Variants in SLC28A1 observed in about 807,000 individuals in gnomAD.
The protein encoded by SLC28A1 is solute carrier family 28 member 1.
In SLC28A1, 64 loss-of-function variants were observed where a neutral mutation model predicts 74.8. The observed-to-expected ratio is 0.86, with a 90% confidence interval of 0.70 to 1.05. The LOEUF (loss-of-function observed/expected upper bound fraction) is 1.05. Among genes scored for constraint, SLC28A1 ranks in the 50% least tolerant of loss-of-function variants. The pLI is 0.00. For missense variants in SLC28A1, 828 were observed against 822.8 expected, an observed-to-expected ratio of 1.01 and a Z score of -0.08; for synonymous variants, 359 against 335.0, an observed-to-expected ratio of 1.07 and a Z score of -0.78.
Position 84,924,111 on chromosome 15 carries a change from G to A in SLC28A1, c.1083+1G>A, listed in dbSNP as rs757191549. Reference sequence around the variant, plus strand: ...GCTGGGTGCCTACATCTCCTTTGGGGTAGGTAGAGCCCTCCTTCTGCTTGG... The same window carrying A: ...GCTGGGTGCCTACATCTCCTTTGGGATAGGTAGAGCCCTCCTTCTGCTTGG... On this transcript the variant is annotated splice_donor_variant, in intron 12 of 18. Transcript: ENST00000394573. LOFTEE classifies it high-confidence loss of function. The A allele has an allele frequency of 3.1e-6, 5 of 1,612,446 alleles. No individual in the cohort carries two copies. Among genetic ancestry groups the A allele is most frequent in the East Asian group, 2.2e-5 (1 of 44,808 alleles).
In SLC28A1 at chr15:84,926,670, C is replaced by T. The variant is rs562584311; in HGVS notation, c.1083+2560C>T. On this transcript the variant is annotated intron_variant, in intron 12 of 18. Coordinates refer to ENST00000394573, the MANE Select transcript of SLC28A1 (RefSeq NM_004213.5). ...CAGTCATAAGCTGGGTAAGTTGCCC[C>T]ACACAAGGTGGTAGCATTCAGCATG... 2.8e-3 allele frequency: 1,056 copies of T among 381,234 alleles called. 4 individuals carry two copies. Among genetic ancestry groups the T allele is most frequent in the Non-Finnish European group, 3.4e-3 (644 of 191,158 alleles). The allele number at this position is 381,234 out of a possible 1,614,324, so 23.6% of individuals were successfully genotyped here.
intron 10 of SLC28A1, among the ~76,000 whole-genome samples, chr15:84,919,223 C>G (rs1285230101): frequency 6.6e-6 from 1 of 152,170 alleles, no homozygotes; most frequent in Non-Finnish European, 1.5e-5. Flanking sequence ...AATGTCAGAT[C>G]CTGTGCTTAT....
intron 15 of SLC28A1, among the ~76,000 whole-genome samples, chr15:84,936,050 G>T (rs779564787): frequency 2.1e-5 from 3 of 141,520 alleles, no homozygotes; most frequent in Non-Finnish European, 4.5e-5. Context: ...CGCCTCCCGG[G>T]TTCACGCCAT....
At chr15:84,917,034 AAAAAAATAAAT>A (rs1405960984) in intron 9 of SLC28A1, among the ~76,000 whole-genome samples, 1 of 144,132 alleles carries the variant, frequency 6.9e-6, no homozygotes, top group Non-Finnish European at 1.5e-5. Context: ...TCTCAAAAAA[AAAAAAATAAAT>A]AAAAAAGGTA....
intron 12 of SLC28A1, among the ~76,000 whole-genome samples, chr15:84,929,468 C>G (rs1186270182): frequency 1.3e-5 from 2 of 151,380 alleles, no homozygotes; most frequent in Non-Finnish European, 2.9e-5. Flanking sequence ...TGCTTGAACC[C>G]GGGAGGCAGA....
At chr15:84,909,999 A>C (rs1230661042) in intron 9 of SLC28A1, among the ~76,000 whole-genome samples, 1 of 152,216 alleles carries the variant, frequency 6.6e-6, no homozygotes, top group African/African-American at 2.4e-5. Context: ...GTTGAGCCAG[A>C]TCATGAGTTC....
At chr15:84,959,537 C>T in the SLC28A1 span, among the ~76,000 whole-genome samples, 1 of 151,294 alleles carries the variant, frequency 6.6e-6, no homozygotes, top group Admixed American at 6.6e-5. Context: ...CCTCTCTTCT[C>T]TTATTGTTCT....
At chr15:84,928,979 C>T (rs1020749191) in intron 12 of SLC28A1, among the ~76,000 whole-genome samples, 3 of 152,120 alleles carry the variant, frequency 2.0e-5, no homozygotes, top group Admixed American at 6.5e-5. Flanking sequence ...CTCCCTTCTC[C>T]GCACATCCCT....
At chr15:84,957,041 CATT>C in the SLC28A1 span, among the ~76,000 whole-genome samples, 3,573 of 152,034 alleles carry the variant, frequency 0.024, 145 homozygotes, top group African/African-American at 0.082. Flanking sequence ...TTTTAACTGT[CATT>C]ATTTCTTCCC....
chr15:84,888,731 G>A (rs1317478709), intron 3 of SLC28A1, 41 bp from the exon 4 acceptor site: 10 of 1,457,498 alleles, frequency 6.9e-6, no homozygotes, highest in Non-Finnish European at 9.4e-6. Flanking sequence ...CTGGGGGTGG[G>A]TAAGGGGCAG....
the SLC28A1 span, among the ~76,000 whole-genome samples, chr15:84,956,128 T>G: frequency 6.6e-6 from 1 of 152,204 alleles, no homozygotes; most frequent in East Asian, 1.9e-4. Context: ...CATCCATATT[T>G]CTAAGTAATG....
chr15:84,904,266 T>C, intron 7 of SLC28A1, 28 bp downstream of exon 7: 1 of 1,612,644 alleles, frequency 6.2e-7, no homozygotes, highest in African/African-American at 1.3e-5. Flanking sequence ...GGCCCAGGGC[T>C]GGAAGTGTTT....
chr15:84,888,264 G>A (rs1042571633), intron 3 of SLC28A1, among the ~76,000 whole-genome samples: 4 of 152,156 alleles, frequency 2.6e-5, no homozygotes, highest in African/African-American at 9.6e-5. Flanking sequence ...AGGTCAGGTC[G>A]AGGCACACCA....
intron 12 of SLC28A1, among the ~76,000 whole-genome samples, chr15:84,928,763 A>G (rs1339613016): frequency 6.6e-6 from 1 of 151,456 alleles, no homozygotes; most frequent in Non-Finnish European, 1.5e-5. Flanking sequence ...AGCTGGGATT[A>G]CAGGCATGCG....
chr15:84,892,795 G>A (rs1965506607), intron 5 of SLC28A1, among the ~76,000 whole-genome samples: 1 of 152,100 alleles, frequency 6.6e-6, no homozygotes, highest in Non-Finnish European at 1.5e-5. Context: ...TTCTCCATGG[G>A]TGCAGCGACA....
chr15:84,887,494 T>A, intron 2 of SLC28A1: 2 of 980,452 alleles, frequency 2.0e-6, no homozygotes, highest in East Asian at 1.1e-4. Flanking sequence ...GGCCAGCCTG[T>A]GCAACACAGG....
At chr15:84,903,758 T>C (rs1257205186) in intron 6 of SLC28A1, among the ~76,000 whole-genome samples, 1 of 152,204 alleles carries the variant, frequency 6.6e-6, no homozygotes, top group Non-Finnish European at 1.5e-5. Context: ...GAGATTCCTG[T>C]AGCTGGATGG....
chr15:84,933,181 G>A lies in SLC28A1; in HGVS notation c.1120G>A (p.Ala374Thr). Residue 374 changes from alanine (A) to threonine (T), a missense_variant, in exon 13 of 19, where the codon GCT becomes ACT. Around this residue, in one of 3 missense-constraint regions of SLC28A1, gnomAD observed 767 missense variants for 753.5 expected, o/e 1.02. Coordinates refer to ENST00000394573, the MANE Select transcript of SLC28A1 (RefSeq NM_004213.5). ...CTCGTTGATTGCAGCCTCTGTGATG[G>A]CTGCCCCTTGTGCCTTGGCCCTCTC... ...ATSLIAASVM[A>T]APCALALSKL... The A allele has an allele frequency of 5.0e-6, 8 of 1,613,684 alleles. No individual in the cohort carries two copies. Among genetic ancestry groups the A allele is most frequent in the Non-Finnish European group, 6.8e-6 (8 of 1,179,804 alleles).
At chr15:84,912,797 T>TGCGCGCGCGTGC (rs1555449052) in intron 9 of SLC28A1, among the ~76,000 whole-genome samples, 60 of 118,242 alleles carry the variant, frequency 5.1e-4, no homozygotes, top group African/African-American at 2.0e-3. Flanking sequence ...TGCCAAATTT[T>TGCGCGCGCGTGC]GCGCGCGCGC....
Sources: allele counts gnomAD v4.1 joint callset (sites outside exome capture counted in the v4.1 genomes callset), GRCh38; gene constraint gnomAD v4.1.1; regional missense constraint gnomAD v4.1.1; transcripts MANE v1.5; gene names NCBI Gene and HGNC (gene_info 2026-07-23, HGNC 2026-07-21).